The following DGKK variants were observed in gnomAD, a reference collection of about 807,000 sequenced individuals.
The protein encoded by DGKK is diacylglycerol kinase kappa.
A neutral mutation model predicts 92.2 loss-of-function variants in DGKK; 35 were observed. The ratio of observed to expected loss-of-function variants is 0.38; its 90% CI spans 0.29 to 0.50. DGKK has a LOEUF of 0.50. Ranked by LOEUF, DGKK falls within the 20% of genes least tolerant of loss-of-function variation. The pLI is 0.92. For missense variants in DGKK, 910 were observed against 992.2 expected (o/e 0.92, Z 1.11); for synonymous variants, 368 against 360.6 (o/e 1.02, Z -0.23).
intron 1 of DGKK, among the ~76,000 whole-genome samples, chrX:50,428,312 G>A (rs1925798589): frequency 9.0e-6 from 1 of 110,789 alleles, no homozygotes; most frequent in Non-Finnish European, 1.9e-5. Flanking sequence ...AACAGGGTTG[G>A]TAGCTTGTGG....
intron 1 of DGKK, among the ~76,000 whole-genome samples, chrX:50,425,028 G>A (rs1557229567): frequency 8.9e-6 from 1 of 111,979 alleles, no homozygotes; most frequent in Non-Finnish European, 1.9e-5. Context: ...CAAGCATAGA[G>A]TCTACTTACC....
intron 14 of DGKK, among the ~76,000 whole-genome samples, chrX:50,387,288 C>T (rs1309867862): frequency 8.9e-6 from 1 of 111,897 alleles, no homozygotes; most frequent in African/African-American, 3.2e-5. Context: ...CAACCATGCA[C>T]ATACCTGCTT....
intron 1 of DGKK, among the ~76,000 whole-genome samples, chrX:50,452,234 A>T (rs138417285): frequency 7.0e-4 from 78 of 111,799 alleles, no homozygotes; most frequent in Non-Finnish European, 1.1e-3. Flanking sequence ...GAAGCCCGCT[A>T]TATTGCACTG....
intron 22 of DGKK, 83 bp downstream of exon 22, chrX:50,378,015 T>C (rs782402862): frequency 6.5e-6 from 7 of 1,078,438 alleles, no homozygotes; most frequent in Non-Finnish European, 8.6e-6. Context: ...TTTTGAGGAA[T>C]TCTGCTTGAG....
intron 25 of DGKK, among the ~76,000 whole-genome samples, chrX:50,374,151 G>A (rs910075003): frequency 2.7e-5 from 3 of 111,863 alleles, no homozygotes; most frequent in Non-Finnish European, 3.8e-5. Context: ...GACCTTATTC[G>A]GAAATAGGGT....
chrX:50,424,388 T>A, intron 1 of DGKK, 30 bp from the exon 2 acceptor site: 1 of 1,137,212 alleles, frequency 8.8e-7, no homozygotes, highest in Non-Finnish European at 1.2e-6. Context: ...TGTTGAGCAA[T>A]TAGATCAATT....
chrX:50,401,966 C>T (rs1025057987), intron 7 of DGKK, among the ~76,000 whole-genome samples: 3 of 111,397 alleles, frequency 2.7e-5, no homozygotes, highest in African/African-American at 9.8e-5. Context: ...GAATACCAGG[C>T]CTCTACCCAC....
At chrX:50,438,595 C>T (rs1195651532) in intron 1 of DGKK, among the ~76,000 whole-genome samples, 2 of 111,539 alleles carry the variant, frequency 1.8e-5, no homozygotes, top group East Asian at 5.7e-4. Flanking sequence ...CACGAGACAC[C>T]TGAATAATAC....
Position 50,393,668 on chromosome X carries a change from T to C in DGKK, c.1412-333A>G, listed in dbSNP as rs146574711. Among the ~76,000 whole-genome samples, 194 of 111,350 alleles carry C rather than the reference T, an allele frequency of 1.7e-3. 1 individual carries two copies. The highest frequency in any genetic ancestry group is 5.8e-3 in the African/African-American group (179 of 30,627). ...TGTTGGAACATAAGGAATAAAGAAA[T>C]TGGTGCCACAACAAAGGATTAGTAA... On this transcript the variant is annotated intron_variant, in intron 8 of 27. Transcript: ENST00000611977.
At chrX:50,453,732 T>G (rs1386312041) in intron 1 of DGKK, among the ~76,000 whole-genome samples, 1 of 111,220 alleles carries the variant, frequency 9.0e-6, no homozygotes, top group African/African-American at 3.3e-5. Flanking sequence ...CATGGACATC[T>G]CTGAAAGCCA....
intron 1 of DGKK, among the ~76,000 whole-genome samples, chrX:50,447,213 T>G (rs782505126): frequency 5.3e-4 from 49 of 92,497 alleles, no homozygotes; most frequent in African/African-American, 1.8e-3. Context: ...TATATTTATA[T>G]TTATATAAAT....
At chrX:50,378,283 T>G in intron 21 of DGKK, 51 bp from the exon 22 acceptor site, 6 of 1,163,551 alleles carry the variant, frequency 5.2e-6, no homozygotes, top group Non-Finnish European at 6.9e-6. Flanking sequence ...GCAACTGCTG[T>G]AACTCTATCT....
chrX:50,404,703 G>A (rs1252134122), intron 4 of DGKK, among the ~76,000 whole-genome samples: 1 of 110,639 alleles, frequency 9.0e-6, no homozygotes, highest in African/African-American at 3.3e-5. Context: ...CACTGTGCCC[G>A]GCCAGGAGTA....
chrX:50,403,958 A>T (rs41315078), intron 5 of DGKK, 91 bp downstream of exon 5: 46,354 of 1,051,136 alleles, frequency 0.044, 881 homozygotes, highest in Non-Finnish European at 0.052. Context: ...TCAGTGACCT[A>T]GTATGAGTTA....
At chrX:50,433,780 A>G (rs1439794790) in intron 1 of DGKK, among the ~76,000 whole-genome samples, 1 of 111,414 alleles carries the variant, frequency 9.0e-6, no homozygotes, top group Non-Finnish European at 1.9e-5. Flanking sequence ...TGGAAGCTTC[A>G]TGGGAGACAC....
intron 20 of DGKK, among the ~76,000 whole-genome samples, chrX:50,379,105 C>G (rs1924346496): frequency 9.0e-6 from 1 of 111,402 alleles, no homozygotes; most frequent in South Asian, 3.8e-4. Context: ...TCACCTGAGG[C>G]CAAAAGTTCA....
At chrX:50,419,860 C>T (rs1464381442) in intron 4 of DGKK, among the ~76,000 whole-genome samples, 3 of 111,988 alleles carry the variant, frequency 2.7e-5, no homozygotes, top group African/African-American at 9.7e-5. Flanking sequence ...GGAGAGGATA[C>T]TTATTGCTCT....
At chrX:50,407,386 T>C (rs1557227385) in intron 4 of DGKK, among the ~76,000 whole-genome samples, 1 of 111,654 alleles carries the variant, frequency 9.0e-6, no homozygotes, top group Non-Finnish European at 1.9e-5. Context: ...TATCAATCAA[T>C]TCAGTCCTTG....
Position 50,379,630 on chromosome X carries a change from G to T in DGKK, c.2859C>A (p.Thr953=), listed in dbSNP as rs1569544148. The T allele has an allele frequency of 2.5e-6, 3 of 1,204,373 alleles. No individual in the cohort carries two copies. The South Asian group carries it at 5.3e-5, about 21-fold the overall frequency. Residue 953 remains threonine, a synonymous_variant, in exon 20 of 28, where the codon ACC becomes ACA. Transcript: ENST00000611977. ...GINFWGSNTA[T]TEYEAPAIDD... is the part of the protein sequence containing the mutation. ...CCATTCCTTGTTCCATACTAACCGT[G>T]GTTGCTGTGTTGCTTCCCCAGAAGT...
Sources: allele counts gnomAD v4.1 joint callset (sites outside exome capture counted in the v4.1 genomes callset), GRCh38; gene constraint gnomAD v4.1.1; transcripts MANE v1.5; gene names NCBI Gene and HGNC (gene_info 2026-07-23, HGNC 2026-07-21).